The following POU6F2 variants were observed in gnomAD, a reference collection of about 807,000 sequenced individuals.
The protein encoded by POU6F2 is POU domain, class 6, transcription factor 2.
POU6F2 carries 31 observed loss-of-function variants against 71.3 expected under a neutral mutation model. That is an observed-to-expected ratio of 0.43 (90% CI 0.33 to 0.59). The LOEUF is 0.59. POU6F2 is among the 20% of genes least tolerant of loss of function. POU6F2 has a pLI of 0.04. For missense variants in POU6F2, 783 were observed against 856.8 expected, an observed-to-expected ratio of 0.91 and a Z score of 1.07; for synonymous variants, 347 against 355.7, an observed-to-expected ratio of 0.98 and a Z score of 0.27.
At chr7:39,010,451 T>C (rs201299190) in intron 1 of POU6F2, among the ~76,000 whole-genome samples, 1 of 151,838 alleles carries the variant, frequency 6.6e-6, no homozygotes, top group African/African-American at 2.4e-5. Context: ...TCTATGAATT[T>C]TGTTGATCCT....
chr7:39,150,462 A>AT (rs1263641232), intron 2 of POU6F2, among the ~76,000 whole-genome samples: 25,741 of 99,398 alleles, frequency 0.26, 4,925 homozygotes, highest in East Asian at 0.37. Flanking sequence ...ACCAAGCTAC[A>AT]TTTTTTTTTT....
At chr7:39,215,861 A>C (rs943725824) in intron 4 of POU6F2, among the ~76,000 whole-genome samples, 5 of 152,240 alleles carry the variant, frequency 3.3e-5, no homozygotes, top group African/African-American at 1.2e-4. Context: ...CAAAATCTCC[A>C]ACAGGAAGGT....
chr7:39,016,618 A>G (rs1402458619), intron 1 of POU6F2, among the ~76,000 whole-genome samples: 1 of 152,166 alleles, frequency 6.6e-6, no homozygotes, highest in Non-Finnish European at 1.5e-5. Flanking sequence ...TTATATTTAC[A>G]TAAATATGAA....
intron 2 of POU6F2, among the ~76,000 whole-genome samples, chr7:39,117,675 C>T (rs1791959327): frequency 6.6e-6 from 1 of 152,172 alleles, no homozygotes; most frequent in Non-Finnish European, 1.5e-5. Context: ...CACTGGTCCC[C>T]TCAGGAACTG....
At chr7:39,198,202 T>C (rs1014091790) in intron 2 of POU6F2, among the ~76,000 whole-genome samples, 2 of 152,322 alleles carry the variant, frequency 1.3e-5, no homozygotes, top group Admixed American at 6.5e-5. Context: ...GACTGAGGGA[T>C]GTTTAGTAAA....
chr7:39,219,781 A>G (rs558268642), intron 4 of POU6F2, among the ~76,000 whole-genome samples: 18 of 152,334 alleles, frequency 1.2e-4, no homozygotes, highest in African/African-American at 4.3e-4. Context: ...TAGCGCAAAT[A>G]TACAGGTCCA....
chr7:39,250,473 A>C (rs1783894609), intron 4 of POU6F2, among the ~76,000 whole-genome samples: 1 of 152,184 alleles, frequency 6.6e-6, no homozygotes, highest in African/African-American at 2.4e-5. Context: ...AAGGAAAACA[A>C]ACCCTTCTTA....
rs945280767 is a variant in POU6F2, at chr7:39,385,676, G to A, written c.973-20924G>A. On this transcript the variant is annotated intron_variant, in intron 5 of 9. Coordinates refer to ENST00000518318, the MANE Select transcript of POU6F2 (RefSeq NM_001370959.1). ...TAGAGAGGCTTGGTATGGGGATGCC[G>A]TAGTGCCCCAGGTCCCTCTTCAATG... 4.6e-5 allele frequency among the ~76,000 whole-genome samples: 7 copies of A among 152,280 alleles called. 1 individual carries two copies. The highest frequency in any genetic ancestry group is 4.1e-4 in the South Asian group (2 of 4,820).
rs568947473 is a variant in POU6F2, at chr7:39,104,723, T to C, written c.277+18692T>C. ...GAGGGGAATTAAACTCTACTTTTGA[T>C]AAGTGTCAACAAATTAATGGACAGG... On this transcript the variant is annotated intron_variant, in intron 2 of 9. Coordinates refer to ENST00000518318, the MANE Select transcript of POU6F2 (RefSeq NM_001370959.1). Among the ~76,000 whole-genome samples the C allele has an allele frequency of 2.6e-5, 4 of 152,372 alleles. No individual in the cohort carries two copies. In the East Asian group the frequency reaches 7.7e-4, roughly 29 times the overall value.
At chr7:39,047,378 C>T (rs1221581040) in intron 1 of POU6F2, among the ~76,000 whole-genome samples, 2 of 151,750 alleles carry the variant, frequency 1.3e-5, no homozygotes, top group Non-Finnish European at 2.9e-5. Flanking sequence ...TCTTTACCTC[C>T]CTTTATTTCT....
At chr7:39,111,498 CTGT>C (rs927098437) in intron 2 of POU6F2, among the ~76,000 whole-genome samples, 1 of 151,948 alleles carries the variant, frequency 6.6e-6, no homozygotes, top group Non-Finnish European at 1.5e-5. Context: ...GTTCTTTTTG[CTGT>C]TGTTGTTAAT....
intron 2 of POU6F2, among the ~76,000 whole-genome samples, chr7:39,167,169 TTATATAAACA>T (rs1397876519): frequency 6.6e-6 from 1 of 152,046 alleles, no homozygotes. Context: ...ATAAGGTATA[TTATATAAACA>T]TATATACCTA....
At chr7:39,293,113 G>A (rs1187104308) in intron 4 of POU6F2, among the ~76,000 whole-genome samples, 1 of 152,142 alleles carries the variant, frequency 6.6e-6, no homozygotes, top group Non-Finnish European at 1.5e-5. Context: ...ACACTTTGCT[G>A]TTAGCCGCTT....
At chr7:39,294,107 G>A (rs1390610767) in intron 4 of POU6F2, among the ~76,000 whole-genome samples, 1 of 151,812 alleles carries the variant, frequency 6.6e-6, no homozygotes, top group Non-Finnish European at 1.5e-5. Flanking sequence ...ATAAAGTAGT[G>A]CCTGTATTCA....
chr7:39,311,558 T>C (rs1044614219), intron 4 of POU6F2, among the ~76,000 whole-genome samples: 2 of 152,246 alleles, frequency 1.3e-5, no homozygotes, highest in Non-Finnish European at 2.9e-5. Flanking sequence ...CCTTACTAGG[T>C]AGTCAATAAG....
chr7:38,988,253 G>A (rs997236344), intron 1 of POU6F2, among the ~76,000 whole-genome samples: 2 of 151,862 alleles, frequency 1.3e-5, no homozygotes, highest in African/African-American at 4.8e-5. Flanking sequence ...GAACCACCAG[G>A]GGAAACCTTT....
intron 6 of POU6F2, among the ~76,000 whole-genome samples, chr7:39,431,565 C>T (rs1788102042): frequency 6.6e-6 from 1 of 152,304 alleles, no homozygotes; most frequent in African/African-American, 2.4e-5. Context: ...AAACAAGACA[C>T]ACAGTGTGTT....
chr7:39,000,944 G>A (rs1320300533), intron 1 of POU6F2, among the ~76,000 whole-genome samples: 1 of 152,056 alleles, frequency 6.6e-6, no homozygotes, highest in East Asian at 1.9e-4. Context: ...TTCATACCTA[G>A]GTATTAATAT....
chr7:39,139,834 G>A (rs1792459324), intron 2 of POU6F2, among the ~76,000 whole-genome samples: 1 of 152,192 alleles, frequency 6.6e-6, no homozygotes, highest in Non-Finnish European at 1.5e-5. Flanking sequence ...TCCTGGAAAG[G>A]TATTTGAGTC....
Sources: allele counts gnomAD v4.1 joint callset (sites outside exome capture counted in the v4.1 genomes callset), GRCh38; gene constraint gnomAD v4.1.1; transcripts MANE v1.5; gene names NCBI Gene and HGNC (gene_info 2026-07-23, HGNC 2026-07-21).